The following PREX1 variants were observed in gnomAD, a reference collection of about 807,000 sequenced individuals.
PREX1 encodes the protein phosphatidylinositol 3,4,5-trisphosphate-dependent Rac exchanger 1 protein.
A neutral mutation model predicts 198.3 loss-of-function variants in PREX1; 41 were observed. The observed-to-expected ratio is 0.21, with a 90% confidence interval of 0.16 to 0.27. The LOEUF (loss-of-function observed/expected upper bound fraction) is 0.27, where lower values mean the gene tolerates loss of function less well. Among genes scored for constraint, PREX1 ranks in the 10% least tolerant of loss-of-function variants. The pLI is 1.00. For missense variants in PREX1, 1,620 were observed against 2,200.7 expected (o/e 0.74, Z 5.28); for synonymous variants, 843 against 887.2 (o/e 0.95, Z 0.89).
intron 1 of PREX1, among the ~76,000 whole-genome samples, chr20:48,785,691 T>C (rs372969624): frequency 6.6e-6 from 1 of 152,300 alleles, no homozygotes; most frequent in South Asian, 2.1e-4. Context: ...ACCTCCAACC[T>C]TCAAGATGTC....
chr20:48,792,044 T>C (rs1181453429), intron 1 of PREX1, among the ~76,000 whole-genome samples: 2 of 152,206 alleles, frequency 1.3e-5, no homozygotes, highest in East Asian at 3.8e-4. Context: ...CTCACTTCTG[T>C]GCCTCAGTTT....
chr20:48,639,813 G>A lies in PREX1; in HGVS notation c.3857C>T (p.Pro1286Leu). 1 of 1,614,108 alleles carries A rather than the reference G, an allele frequency of 6.2e-7. No homozygotes were observed. Among genetic ancestry groups the A allele is most frequent in the Non-Finnish European group, 8.5e-7 (1 of 1,179,994 alleles). The change falls in exon 30 of 40, where the codon CCC (proline) becomes CTC (leucine). Residue 1286 changes from proline (P) to leucine (L), a missense_variant. Around this residue, in one of 7 missense-constraint regions of PREX1, gnomAD observed 476 missense variants for 603.4 expected, o/e 0.79. Transcript: ENST00000371941. ...ISIQEDPWNL[P>L]NSIKTLVDNI... ...GTCCACCAGGGTCTTGATGGAGTTG[G>A]GGAGGTTCCAGGGGTCCTCCTGGAT...
At chr20:48,819,758 G>A (rs1186739459) in intron 1 of PREX1, among the ~76,000 whole-genome samples, 1 of 152,254 alleles carries the variant, frequency 6.6e-6, no homozygotes, top group Admixed American at 6.5e-5. Context: ...AAGATTCCCT[G>A]AGGGCAGAGA....
chr20:48,674,779 G>A (rs1568817758), intron 14 of PREX1, among the ~76,000 whole-genome samples: 1 of 152,222 alleles, frequency 6.6e-6, no homozygotes, highest in Non-Finnish European at 1.5e-5. Context: ...CAACAGGCCT[G>A]TATGTGGCAC....
intron 5 of PREX1, among the ~76,000 whole-genome samples, chr20:48,715,692 G>A (rs1329984980): frequency 1.3e-5 from 2 of 152,208 alleles, no homozygotes; most frequent in African/African-American, 4.8e-5. Context: ...TCGTCATTAT[G>A]TCTGTGGTAA....
chr20:48,886,580 A>G, the PREX1 span, among the ~76,000 whole-genome samples: 2 of 152,184 alleles, frequency 1.3e-5, no homozygotes, highest in African/African-American at 4.8e-5. Flanking sequence ...TTTTTAAAGA[A>G]AGCCCCCAGA....
intron 1 of PREX1, among the ~76,000 whole-genome samples, chr20:48,818,056 C>T (rs896241123): frequency 5.9e-5 from 9 of 152,096 alleles, no homozygotes; most frequent in African/African-American, 2.2e-4. Flanking sequence ...TGATTTTGAG[C>T]AAAGGCCTGA....
chr20:48,740,410 G>T (rs2090075739), intron 3 of PREX1, among the ~76,000 whole-genome samples: 2 of 152,240 alleles, frequency 1.3e-5, no homozygotes. Flanking sequence ...GTCTGAGGCG[G>T]TACACCCACT....
chr20:48,873,659 G>T, the PREX1 span, among the ~76,000 whole-genome samples: 238 of 151,856 alleles, frequency 1.6e-3, 3 homozygotes, highest in Non-Finnish European at 3.4e-4. Context: ...GGTGGAGGTT[G>T]CAGTGAGCTG....
intron 31 of PREX1, 56 bp from the exon 32 acceptor site, chr20:48,636,739 GC>G: frequency 6.8e-7 from 1 of 1,473,510 alleles, no homozygotes. Context: ...CCACCAGGAG[GC>G]CCACCCCCCA....
chr20:48,793,581 TA>T (rs1358241179), intron 1 of PREX1, among the ~76,000 whole-genome samples: 1 of 152,206 alleles, frequency 6.6e-6, no homozygotes, highest in Non-Finnish European at 1.5e-5. Context: ...GAGACAAAGT[TA>T]GGGGGAGAGG....
At chr20:48,752,052 T>C (rs992427949) in intron 1 of PREX1, among the ~76,000 whole-genome samples, 1 of 152,180 alleles carries the variant, frequency 6.6e-6, no homozygotes, top group Non-Finnish European at 1.5e-5. Flanking sequence ...ATCTGAGCAG[T>C]GGAGACACAG....
At chr20:48,885,547 GT>G in the PREX1 span, among the ~76,000 whole-genome samples, 2 of 152,132 alleles carry the variant, frequency 1.3e-5, no homozygotes, top group Admixed American at 6.5e-5. Context: ...CAATCACACT[GT>G]TTGGTATTTA....
At chr20:48,751,435 G>C (rs1035448629) in intron 1 of PREX1, among the ~76,000 whole-genome samples, 28 of 152,192 alleles carry the variant, frequency 1.8e-4, no homozygotes, top group African/African-American at 6.5e-4. Flanking sequence ...TGCAACAATG[G>C]GAGGCTCGGG....
rs1333801762 is a variant in PREX1, at chr20:48,708,366, G to T, written c.677C>A (p.Ala226Asp). 6.2e-7 allele frequency: 1 copy of T among 1,614,022 alleles called. No individual in the cohort carries two copies. The highest frequency in any genetic ancestry group is 1.3e-5 in the African/African-American group (1 of 74,902). Residue 226 changes from alanine (A) to aspartate (D), a missense_variant, in exon 6 of 40, where the codon GCC becomes GAC. By Grantham distance (126) the Ala-to-Asp change is moderately radical. This residue lies in a region of PREX1 where 488 missense variants were observed against 802.5 expected (regional missense o/e 0.61). Coordinates refer to ENST00000371941, the MANE Select transcript of PREX1 (RefSeq NM_020820.4). ...GCAAACGGTCTTCATGGCCTGCAGG[G>T]CACTCTGGACCGCGGGGTGGTCTGG... ...KHPDHPAVQS[A>D]LQAMKTVCSN...
At chr20:48,702,341 A>G (rs1445405206) in intron 6 of PREX1, among the ~76,000 whole-genome samples, 2 of 152,332 alleles carry the variant, frequency 1.3e-5, no homozygotes, top group Middle Eastern at 3.4e-3. Context: ...GAGAGATCCC[A>G]AAGTCCAAAG....
chr20:48,870,193 GC>G, the PREX1 span, among the ~76,000 whole-genome samples: 1 of 152,090 alleles, frequency 6.6e-6, no homozygotes, highest in Non-Finnish European at 1.5e-5. Context: ...CATTCCTGCA[GC>G]CATGTATGAG....
chr20:48,639,615 T>C, intron 30 of PREX1, 151 bp downstream of exon 30: 1 of 1,222,512 alleles, frequency 8.2e-7, no homozygotes, highest in Non-Finnish European at 1.1e-6. Flanking sequence ...GGCAGGACAC[T>C]CAGCTGAGAG....
rs1456729966 is a variant in PREX1 at position 48,665,274 on chromosome 20, TGAATTCTAATCCC to T, written c.1738+996_1738+1008del. ...AATTCTAATCCCGCCCCAGACGGCC[TGAATTCTAATCCC>T]GGCTCCAGACGGCCTGAATTCTAAT... On this transcript the variant is annotated intron_variant, in intron 15 of 39. Coordinates refer to ENST00000371941, the MANE Select transcript of PREX1 (RefSeq NM_020820.4). Among the ~76,000 whole-genome samples the T allele has an allele frequency of 5.9e-3, 850 of 143,434 alleles. 7 individuals carry two copies. The highest frequency in any genetic ancestry group is 0.02 in the African/African-American group (749 of 37,406). The allele number at this position is 143,434 out of a possible 152,430, so 94.1% of individuals were successfully genotyped here.
Sources: allele counts gnomAD v4.1 joint callset (sites outside exome capture counted in the v4.1 genomes callset), GRCh38; gene constraint gnomAD v4.1.1; regional missense constraint gnomAD v4.1.1; transcripts MANE v1.5; gene names NCBI Gene and HGNC (gene_info 2026-07-23, HGNC 2026-07-21).